SPIRE1: variants seen among roughly 807,000 people sequenced by gnomAD.
The protein encoded by SPIRE1 is spire type actin nucleation factor 1.
A neutral mutation model predicts 94.1 loss-of-function variants in SPIRE1; 40 were observed. The observed-to-expected ratio is 0.43, with a 90% CI of 0.33 to 0.55. SPIRE1 has a LOEUF of 0.55. Ranked by LOEUF, SPIRE1 falls within the 20% of genes least tolerant of loss-of-function variation. SPIRE1 has a pLI of 0.06. For missense variants in SPIRE1, 838 were observed against 975.2 expected, an observed-to-expected ratio of 0.86 and a Z score of 1.87; for synonymous variants, 376 against 371.7, an observed-to-expected ratio of 1.01 and a Z score of -0.13.
chr18:12,633,217 T>C (rs777680539), intron 2 of SPIRE1, among the ~76,000 whole-genome samples: 2 of 152,128 alleles, frequency 1.3e-5, no homozygotes, highest in Admixed American at 6.5e-5. Flanking sequence ...GAATAGTATA[T>C]CAAAAATTCT....
intron 2 of SPIRE1, among the ~76,000 whole-genome samples, chr18:12,582,417 T>C (rs546495026): frequency 1.1e-4 from 17 of 152,258 alleles, no homozygotes; most frequent in African/African-American, 3.6e-4. Context: ...CTTTAAAAAA[T>C]ATGTAAAAAT....
At chr18:12,473,202 T>C (rs1386832180) in intron 10 of SPIRE1, among the ~76,000 whole-genome samples, 2 of 152,140 alleles carry the variant, frequency 1.3e-5, no homozygotes, top group Non-Finnish European at 2.9e-5. Flanking sequence ...GGATTATAGC[T>C]GTGAGCCACC....
intron 2 of SPIRE1, among the ~76,000 whole-genome samples, chr18:12,618,321 T>C (rs571863593): frequency 2.6e-5 from 4 of 151,800 alleles, no homozygotes; most frequent in Admixed American, 6.6e-5. Context: ...AGGATGGTCT[T>C]GATTTCCTGA....
intron 1 of SPIRE1, among the ~76,000 whole-genome samples, chr18:12,654,782 C>T (rs1376556517): frequency 6.6e-6 from 1 of 152,140 alleles, no homozygotes; most frequent in Admixed American, 6.5e-5. Context: ...GCAATCCCAG[C>T]ACTTTGGGAG....
rs185750142 is a variant in SPIRE1 at position 12,479,774 on chromosome 18, T to C, written c.1329A>G (p.Ser443=). Residue 443 remains serine, a synonymous_variant, in exon 10 of 17, where the codon TCA becomes TCG. Coordinates refer to ENST00000409402, the MANE Select transcript of SPIRE1 (RefSeq NM_001128626.2). ...SQTKENGLST[S]QQVPAQRKKL... ...TCTTCCGCTGTGCAGGCACCTGCTG[T>C]GAGGTACTTAACCCGTTTTCTTTTG... 65 of 1,614,124 alleles carry C rather than the reference T, an allele frequency of 4.0e-5. No individual in the cohort carries two copies. The African/African-American group carries it at 8.1e-4, about 20-fold the overall frequency.
At chr18:12,512,310 C>A (rs2034059167) in intron 5 of SPIRE1, 144 bp downstream of exon 5, 4 of 564,162 alleles carry the variant, frequency 7.1e-6, no homozygotes, top group Middle Eastern at 3.3e-4. Flanking sequence ...GTTGCAGTAC[C>A]CGGGAGGTGG....
chr18:12,649,622 T>C lies in SPIRE1; in HGVS notation c.337+7908A>G, dbSNP rs1224811255. ...TTATAGGACCAATGATACAGGAGAG[T>C]GAATCTGACCTTCCATATATAACAA... On this transcript the variant is annotated intron_variant, in intron 1 of 16. Coordinates refer to ENST00000409402, the MANE Select transcript of SPIRE1 (RefSeq NM_001128626.2). Among the ~76,000 whole-genome samples the C allele has an allele frequency of 2.0e-5, 3 of 152,040 alleles. No homozygotes were observed. The East Asian group carries it at 5.8e-4, about 29-fold the overall frequency.
intron 4 of SPIRE1, among the ~76,000 whole-genome samples, chr18:12,513,553 T>C (rs1351707375): frequency 6.6e-6 from 1 of 151,868 alleles, no homozygotes; most frequent in Non-Finnish European, 1.5e-5. Context: ...GGTGGAGTTT[T>C]GCTCTTGTTG....
chr18:12,452,365 G>A lies in SPIRE1; in HGVS notation c.1902C>T (p.Ser634=). 2 of 1,614,154 alleles carry A rather than the reference G, an allele frequency of 1.2e-6. No individual in the cohort carries two copies. The highest frequency in any genetic ancestry group is 1.7e-6 in the Non-Finnish European group (2 of 1,180,024). The change falls in exon 16 of 17, where the codon TCC becomes TCT. Residue 634 remains serine, a synonymous_variant. Coordinates refer to ENST00000409402, the MANE Select transcript of SPIRE1 (RefSeq NM_001128626.2). The stretch of plus-strand genomic sequence containing the variant: ...GTCCCAATGAAAAGATAGGAAGAGT[G>A]GAGTATGGTTTGGAGGGCAGCCGCA... The part of the protein sequence containing the change: ...KKMRLPSKPY[S]TLPIFSLGPS...
chr18:12,591,968 C>CAAAAAAAAAAAAA (rs35668057), intron 2 of SPIRE1, among the ~76,000 whole-genome samples: 7 of 67,438 alleles, frequency 1.0e-4, no homozygotes, highest in African/African-American at 3.4e-4. Context: ...GACTCCATCT[C>CAAAAAAAAAAAAA]AAAAAAAAAA....
At chr18:12,547,187 G>GT (rs748237019) in intron 2 of SPIRE1, among the ~76,000 whole-genome samples, 10 of 152,292 alleles carry the variant, frequency 6.6e-5, no homozygotes, top group Admixed American at 1.3e-4. Context: ...TTATGCCAAT[G>GT]TTTATCTAAT....
chr18:12,581,686 A>G (rs1434999966), intron 2 of SPIRE1, among the ~76,000 whole-genome samples: 3 of 152,148 alleles, frequency 2.0e-5, no homozygotes, highest in Non-Finnish European at 2.9e-5. Flanking sequence ...CAATGTGGCA[A>G]AACCCTGTCT....
chr18:12,476,564 A>AAAAAATAT (rs1568194404), intron 10 of SPIRE1, among the ~76,000 whole-genome samples: 1 of 69,842 alleles, frequency 1.4e-5, no homozygotes, highest in African/African-American at 7.6e-5. Flanking sequence ...AAAAAAAAAA[A>AAAAAATAT]ATATATATAT....
intron 1 of SPIRE1, among the ~76,000 whole-genome samples, chr18:12,640,331 T>C (rs1257983672): frequency 6.6e-6 from 1 of 152,172 alleles, no homozygotes; most frequent in East Asian, 1.9e-4. Flanking sequence ...AATGTTTCAG[T>C]CCCTCTAACC....
At chr18:12,593,403 T>C (rs1159818517) in intron 2 of SPIRE1, among the ~76,000 whole-genome samples, 4 of 152,360 alleles carry the variant, frequency 2.6e-5, no homozygotes, top group East Asian at 1.9e-4. Flanking sequence ...CATTTTATGT[T>C]CTATAAAGCA....
At chr18:12,473,140 C>T (rs1266795663) in intron 10 of SPIRE1, among the ~76,000 whole-genome samples, 1 of 152,144 alleles carries the variant, frequency 6.6e-6, no homozygotes, top group African/African-American at 2.4e-5. Flanking sequence ...TCAGGCTGGC[C>T]TCAAACTCCT....
intron 8 of SPIRE1, among the ~76,000 whole-genome samples, chr18:12,492,229 A>T (rs2033259682): frequency 6.6e-6 from 1 of 152,210 alleles, no homozygotes; most frequent in Admixed American, 6.5e-5. Flanking sequence ...AGGCAGAAGA[A>T]GAGATCAGAG....
At chr18:12,462,700 G>A (rs1413142874) in intron 12 of SPIRE1, among the ~76,000 whole-genome samples, 2 of 152,248 alleles carry the variant, frequency 1.3e-5, no homozygotes, top group East Asian at 3.9e-4. Context: ...TTGTACTTCT[G>A]CCTCAATAAG....
In SPIRE1 at chr18:12,637,934, G is replaced by GT. The variant is rs1249638772; in HGVS notation, c.338-2839dup. 3.9e-5 allele frequency among the ~76,000 whole-genome samples: 6 copies of GT among 152,276 alleles called. No homozygotes were observed. In the East Asian group the frequency reaches 9.6e-4, roughly 24 times the overall value. ...TGCTGTAAAAGTACTAAAAATTTTT[G>GT]TGAGAATTCAACAGCTCTTGGTCAT... On this transcript the variant is annotated intron_variant, in intron 1 of 16. Coordinates refer to ENST00000409402, the MANE Select transcript of SPIRE1 (RefSeq NM_001128626.2).
Sources: gnomAD v4.1 joint callset for allele counts (sites outside exome capture counted in the v4.1 genomes callset) on GRCh38, gnomAD v4.1.1 for gene constraint, MANE v1.5 for transcripts, NCBI Gene and HGNC (gene_info 2026-07-23, HGNC 2026-07-21) for gene names.